Variants in FMN1 observed in about 807,000 individuals in gnomAD.
FMN1 encodes the protein formin 1.
Under a neutral mutation model 132.4 loss-of-function variants are expected in FMN1, and 110 were observed. The ratio of observed to expected loss-of-function variants is 0.83; its 90% CI spans 0.71 to 0.97. FMN1 has a LOEUF of 0.97. Among genes scored for constraint, FMN1 ranks in the 50% least tolerant of loss-of-function variants. FMN1 has a pLI of 0.00. For synonymous variants in FMN1, 722 were observed against 651.7 expected (o/e 1.11, Z -1.64); for missense variants, 1,792 against 1,705.3 (o/e 1.05, Z -0.90).
intron 6 of FMN1, chr15:33,012,481 G>A: frequency 1.7e-6 from 2 of 1,203,520 alleles, no homozygotes; most frequent in South Asian, 1.2e-5. Context: ...TCACCTAAGA[G>A]ATTATTTTCA....
chr15:32,856,844 A>G (rs919968603), intron 17 of FMN1, among the ~76,000 whole-genome samples, 171 bp downstream of exon 17: 7 of 152,246 alleles, frequency 4.6e-5, no homozygotes, highest in Non-Finnish European at 7.3e-5. Flanking sequence ...AAGCTACAGG[A>G]CAACTTTATC....
chr15:33,086,573 T>C (rs930234698), intron 5 of FMN1, among the ~76,000 whole-genome samples: 7 of 146,888 alleles, frequency 4.8e-5, no homozygotes, highest in African/African-American at 1.5e-4. Context: ...ATAAACACAG[T>C]ATTTTTTAAA....
chr15:33,012,790 G>A, intron 6 of FMN1: 1 of 693,802 alleles, frequency 1.4e-6, no homozygotes. Flanking sequence ...CAGTGGTCAT[G>A]GTGGCTTTAG....
At chr15:32,952,549 C>G (rs2061677080) in intron 9 of FMN1, among the ~76,000 whole-genome samples, 1 of 152,092 alleles carries the variant, frequency 6.6e-6, no homozygotes, top group African/African-American at 2.4e-5. Flanking sequence ...ATGTAATAAC[C>G]GTTTGAAAAC....
intron 12 of FMN1, among the ~76,000 whole-genome samples, chr15:32,906,578 T>C (rs560483921): frequency 6.6e-6 from 1 of 152,344 alleles, no homozygotes; most frequent in South Asian, 2.1e-4. Context: ...AATATTACTG[T>C]GTAACTTGGT....
chr15:33,075,187 T>A (rs1488630190), intron 5 of FMN1, among the ~76,000 whole-genome samples: 1 of 152,040 alleles, frequency 6.6e-6, no homozygotes, highest in Non-Finnish European at 1.5e-5. Flanking sequence ...CTTCATGAAT[T>A]GTTACGCGGC....
intron 17 of FMN1, among the ~76,000 whole-genome samples, chr15:32,825,230 T>A (rs1001448987): frequency 6.6e-6 from 1 of 152,350 alleles, no homozygotes; most frequent in Middle Eastern, 3.4e-3. Flanking sequence ...ACCAGAATAA[T>A]CTTTTAAAAC....
rs2056317584 is a variant in FMN1 at position 32,773,521 on chromosome 15, C to T, written c.*789G>A. On this transcript the variant is annotated 3_prime_UTR_variant, in exon 21 of 21. Transcript: ENST00000616417. ...CAAGGCTGTGCTTGCTCAGGTATTA[C>T]ATTTTCTCCTGGGAGTTGGGGTGCA... 6.6e-6 allele frequency: 1 copy of T among 152,208 alleles called. No homozygotes were observed. The highest frequency in any genetic ancestry group is 2.4e-5 in the African/African-American group (1 of 41,420). 9.4% of individuals were successfully genotyped at this position (152,208 alleles called of 1,614,324 possible).
chr15:33,121,671 G>A (rs552040621), intron 4 of FMN1, among the ~76,000 whole-genome samples: 1 of 147,910 alleles, frequency 6.8e-6, no homozygotes, highest in East Asian at 1.9e-4. Flanking sequence ...TGGGATTACA[G>A]GTGTCAGCCA....
intron 7 of FMN1, among the ~76,000 whole-genome samples, chr15:32,978,159 A>G (rs1389740252): frequency 1.3e-5 from 2 of 152,074 alleles, no homozygotes; most frequent in African/African-American, 4.8e-5. Context: ...CAGCCTATTC[A>G]TTAATTTTGA....
intron 4 of FMN1, among the ~76,000 whole-genome samples, chr15:33,123,186 C>A (rs1225236096): frequency 6.6e-6 from 1 of 151,542 alleles, no homozygotes; most frequent in Admixed American, 6.6e-5. Flanking sequence ...ATTTCCAGGC[C>A]CAATTCAAGT....
At chr15:32,907,888 A>G (rs73370863) in intron 12 of FMN1, among the ~76,000 whole-genome samples, 1,846 of 152,216 alleles carry the variant, frequency 0.012, 36 homozygotes, top group African/African-American at 0.043. Context: ...CGAGACCCCA[A>G]GAGTCACTCA....
intron 4 of FMN1, chr15:33,150,621 G>A (rs982680350): frequency 1.8e-5 from 18 of 985,302 alleles, no homozygotes; most frequent in Middle Eastern, 5.2e-4. Flanking sequence ...AAGGATAAGC[G>A]GGTTTCACTG....
chr15:32,841,692 A>G (rs138949323), intron 17 of FMN1, among the ~76,000 whole-genome samples: 29 of 152,318 alleles, frequency 1.9e-4, no homozygotes, highest in African/African-American at 6.7e-4. Flanking sequence ...AGTATTTATG[A>G]AGCTGTATAT....
intron 7 of FMN1, among the ~76,000 whole-genome samples, chr15:32,992,881 T>G (rs1026714960): frequency 1.3e-5 from 2 of 152,186 alleles, no homozygotes; most frequent in African/African-American, 4.8e-5. Flanking sequence ...CAATGTATAT[T>G]TAGCCTATTC....
At chr15:33,127,702 A>T (rs777055161) in intron 4 of FMN1, among the ~76,000 whole-genome samples, 3 of 152,234 alleles carry the variant, frequency 2.0e-5, no homozygotes, top group Non-Finnish European at 4.4e-5. Context: ...GACGTAAGCT[A>T]TGCTGAACCT....
chr15:33,040,239 G>T (rs1187426602), intron 6 of FMN1, among the ~76,000 whole-genome samples: 5 of 152,202 alleles, frequency 3.3e-5, no homozygotes, highest in Non-Finnish European at 7.3e-5. Context: ...AGCTCCGGAA[G>T]CCTGTCCTAA....
intron 4 of FMN1, among the ~76,000 whole-genome samples, chr15:33,117,706 T>G (rs943066514): frequency 1.4e-4 from 3 of 22,072 alleles, no homozygotes; most frequent in Non-Finnish European, 2.3e-4. Context: ...TTACTAGAGA[T>G]TAACTATTAT....
At position 33,093,908 on chromosome 15, in the gene FMN1, G is replaced by A. The variant is rs140419302; in HGVS notation, c.1868-4934C>T. On this transcript the variant is annotated intron_variant, in intron 4 of 20. Transcript: ENST00000616417. ...AATAAAACAAATTTACAGTTGGAAA[G>A]AATCTTGTATATCTCCCCACCTACA... Among the ~76,000 whole-genome samples, 472 of 152,286 alleles carry A rather than the reference G, an allele frequency of 3.1e-3. 2 individuals carry two copies. The highest frequency in any genetic ancestry group is 0.01 in the African/African-American group (424 of 41,566).
Sources: allele counts gnomAD v4.1 joint callset (sites outside exome capture counted in the v4.1 genomes callset), GRCh38; gene constraint gnomAD v4.1.1; transcripts MANE v1.5; gene names NCBI Gene and HGNC (gene_info 2026-07-23, HGNC 2026-07-21).